CMTM7: variants seen among roughly 807,000 people sequenced by gnomAD.
The protein encoded by CMTM7 is CKLF-like MARVEL transmembrane domain-containing protein 7.
A neutral mutation model predicts 19.3 loss-of-function variants in CMTM7; 7 were observed. The ratio of observed to expected loss-of-function variants is 0.36; its 90% CI spans 0.21 to 0.68. The LOEUF (loss-of-function observed/expected upper bound fraction) is 0.68. Among genes scored for constraint, CMTM7 ranks in the 30% least tolerant of loss-of-function variants. CMTM7 has a pLI of 0.60. For synonymous variants in CMTM7, 87 were observed against 99.3 expected (o/e 0.88, Z 0.74); for missense variants, 193 against 232.6 (o/e 0.83, Z 1.11).
chr3:32,452,317 AT>A, intron 3 of CMTM7, 74 bp from the exon 4 acceptor site: 1 of 1,612,138 alleles, frequency 6.2e-7, no homozygotes. Context: ...AAGCACAGAG[AT>A]GAGAAGCAGA....
rs1696813555 is a variant in CMTM7 at position 32,450,480 on chromosome 3, A to G, written c.432+928A>G. ...CTTACGTATATTACCAAAATTTTCC[A>G]GACTTTGGCCTGGGAGTGGGTTGGC... On this transcript the variant is annotated intron_variant, in intron 3 of 4. Coordinates refer to ENST00000334983, the MANE Select transcript of CMTM7 (RefSeq NM_138410.4). 3.3e-5 allele frequency among the ~76,000 whole-genome samples: 5 copies of G among 152,216 alleles called. No individual in the cohort carries two copies. In the South Asian group the frequency reaches 1.0e-3, roughly 32 times the overall value.
At chr3:32,425,397 T>G (rs531894629) in intron 1 of CMTM7, among the ~76,000 whole-genome samples, 71 of 152,120 alleles carry the variant, frequency 4.7e-4, no homozygotes, top group African/African-American at 1.6e-3. Flanking sequence ...GTGGGAAACA[T>G]GAGCTCCTAA....
chr3:32,431,236 T>C (rs1696513720), intron 1 of CMTM7, among the ~76,000 whole-genome samples: 1 of 152,120 alleles, frequency 6.6e-6, no homozygotes, highest in African/African-American at 2.4e-5. Context: ...AAAGAGGAAA[T>C]AGTACGTATG....
At chr3:32,438,678 G>A (rs139580370) in intron 1 of CMTM7, among the ~76,000 whole-genome samples, 8 of 152,298 alleles carry the variant, frequency 5.3e-5, no homozygotes, top group Non-Finnish European at 8.8e-5. Flanking sequence ...CCAGTGAACC[G>A]AATTCAGAAA....
intron 4 of CMTM7, 129 bp downstream of exon 4, chr3:32,452,602 T>G (rs1056622744): frequency 2.2e-6 from 2 of 907,612 alleles, no homozygotes; most frequent in African/African-American, 3.3e-5. Context: ...AGAAGTAGTA[T>G]TAGAGCACAG....
In CMTM7 at chr3:32,441,900, T is replaced by C. The variant is rs779250384; in HGVS notation, c.220T>C (p.Tyr74His). Reference protein sequence around the residue: ...RSSLWTNYSAYSYFEVVTICD... With the variant: ...RSSLWTNYSAHSYFEVVTICD... ...CTCCCTGTGGACCAACTACAGCGCC[T>C]ACAGCTACTTTGAAGTGGTCACCAT... Residue 74 changes from tyrosine to histidine, a missense_variant, in exon 2 of 5, where the codon TAC (tyrosine) becomes CAC (histidine). Coordinates refer to ENST00000334983, the MANE Select transcript of CMTM7 (RefSeq NM_138410.4). 7 of 1,614,108 alleles carry C rather than the reference T, an allele frequency of 4.3e-6. No individual in the cohort carries two copies. The African/African-American group carries it at 9.3e-5, about 22-fold the overall frequency.
In CMTM7 at chr3:32,452,043, C is replaced by G. The variant is rs550877017; in HGVS notation, c.433-349C>G. ...TTTTTAACCCAAATTAAAATTTCAT[C>G]CTTTTCTTCTCTTTTGGTCCAGGAT... On this transcript the variant is annotated intron_variant, in intron 3 of 4. Coordinates refer to ENST00000334983, the MANE Select transcript of CMTM7 (RefSeq NM_138410.4). 1.5e-5 allele frequency: 20 copies of G among 1,318,752 alleles called. No individual in the cohort carries two copies. The South Asian group carries it at 2.2e-4, about 15-fold the overall frequency. 81.7% of individuals were successfully genotyped at this position (1,318,752 alleles called of 1,614,324 possible). A position where few individuals can be genotyped will look rare whatever the true frequency, so the allele number is the denominator to read the frequency against.
chr3:32,438,870 C>T (rs1696636228), intron 1 of CMTM7, among the ~76,000 whole-genome samples: 1 of 152,206 alleles, frequency 6.6e-6, no homozygotes, highest in Non-Finnish European at 1.5e-5. Flanking sequence ...AAAGAGCTAA[C>T]TTTGTCTTCA....
intron 1 of CMTM7, among the ~76,000 whole-genome samples, chr3:32,398,731 C>T (rs1472011498): frequency 6.6e-6 from 1 of 151,900 alleles, no homozygotes; most frequent in Non-Finnish European, 1.5e-5. Context: ...TGCCTGTAAT[C>T]TCAGCAGTTT....
chr3:32,436,246 A>C (rs904305194), intron 1 of CMTM7, among the ~76,000 whole-genome samples: 1 of 152,228 alleles, frequency 6.6e-6, no homozygotes, highest in African/African-American at 2.4e-5. Flanking sequence ...GATGTTGGTG[A>C]GTGAGACAGG....
chr3:32,407,293 A>AT (rs1170171013), intron 1 of CMTM7, among the ~76,000 whole-genome samples: 3 of 152,044 alleles, frequency 2.0e-5, no homozygotes, highest in Non-Finnish European at 4.4e-5. Context: ...ATCTCATAAG[A>AT]TTTTTGATGT....
intron 1 of CMTM7, among the ~76,000 whole-genome samples, chr3:32,426,351 T>A (rs1468500297): frequency 6.6e-6 from 1 of 152,202 alleles, no homozygotes; most frequent in Non-Finnish European, 1.5e-5. Flanking sequence ...CATGAATATT[T>A]TCCCATGTTA....
chr3:32,440,685 G>A (rs955586154), intron 1 of CMTM7, among the ~76,000 whole-genome samples: 1 of 152,124 alleles, frequency 6.6e-6, no homozygotes. Flanking sequence ...AGCTAAGGTG[G>A]GAGGATGACT....
At position 32,441,916 on chromosome 3, in the gene CMTM7, T is replaced by C; in HGVS notation, c.236T>C (p.Val79Ala). The C allele has an allele frequency of 6.2e-7, 1 of 1,614,160 alleles. No homozygotes were observed. Among genetic ancestry groups the C allele is most frequent in the Non-Finnish European group, 8.5e-7 (1 of 1,179,998 alleles). ...TNYSAYSYFE[V>A]VTICDLIMIL... is the part of the protein sequence containing the mutation. Reference sequence around the variant, plus strand: ...TACAGCGCCTACAGCTACTTTGAAGTGGTCACCATTTGCGACTTGATAATG... The same window carrying C: ...TACAGCGCCTACAGCTACTTTGAAGCGGTCACCATTTGCGACTTGATAATG... The change falls in exon 2 of 5, where the codon GTG (valine) becomes GCG (alanine). Residue 79 changes from valine (V) to alanine (A), a missense_variant. Coordinates refer to ENST00000334983, the MANE Select transcript of CMTM7 (RefSeq NM_138410.4).
intron 1 of CMTM7, among the ~76,000 whole-genome samples, chr3:32,413,363 A>G (rs1294933767): frequency 6.6e-6 from 1 of 152,244 alleles, no homozygotes; most frequent in Non-Finnish European, 1.5e-5. Flanking sequence ...CTCTATTTGT[A>G]ACATGATTAT....
chr3:32,430,271 C>G (rs1377300079), intron 1 of CMTM7, among the ~76,000 whole-genome samples: 4 of 152,200 alleles, frequency 2.6e-5, no homozygotes, highest in Admixed American at 6.5e-5. Flanking sequence ...TTCATCTCAT[C>G]TGCAATCATT....
At chr3:32,406,305 G>A (rs1364533747) in intron 1 of CMTM7, among the ~76,000 whole-genome samples, 2 of 152,126 alleles carry the variant, frequency 1.3e-5, no homozygotes, top group African/African-American at 4.8e-5. Flanking sequence ...TGCTGTAATG[G>A]TTACTCTTGT....
chr3:32,441,789 G>A (rs778460173), intron 1 of CMTM7, 51 bp from the exon 2 acceptor site: 3 of 1,547,870 alleles, frequency 1.9e-6, no homozygotes, highest in Non-Finnish European at 2.7e-6. Context: ...TTTGTTCCCT[G>A]GGTGCCCGTC....
chr3:32,408,249 G>A lies in CMTM7; in HGVS notation c.159+16184G>A, dbSNP rs573844871. Among the ~76,000 whole-genome samples the A allele has an allele frequency of 2.0e-5, 3 of 152,300 alleles. No homozygotes were observed. In the East Asian group the frequency reaches 5.8e-4, roughly 29 times the overall value. ...AACTGTGAGAGAATAGATTTCTGTT[G>A]TTCTAAGCCACCAAATCTGTAAGCT... On this transcript the variant is annotated intron_variant, in intron 1 of 4. Coordinates refer to ENST00000334983, the MANE Select transcript of CMTM7 (RefSeq NM_138410.4).
Sources: gnomAD v4.1 joint callset for allele counts (sites outside exome capture counted in the v4.1 genomes callset) on GRCh38, gnomAD v4.1.1 for gene constraint, MANE v1.5 for transcripts, NCBI Gene and HGNC (gene_info 2026-07-23, HGNC 2026-07-21) for gene names.